EPHA6: variants seen among roughly 807,000 people sequenced by gnomAD.
The protein encoded by EPHA6 is ephrin type-A receptor 6.
EPHA6 carries 50 observed loss-of-function variants against 112.0 expected under a neutral mutation model. The ratio of observed to expected loss-of-function variants is 0.45; its 90% CI spans 0.36 to 0.56. The LOEUF (loss-of-function observed/expected upper bound fraction) is 0.56, where lower values mean the gene tolerates loss of function less well. Among genes scored for constraint, EPHA6 ranks in the 20% least tolerant of loss-of-function variants. The probability of loss-of-function intolerance (pLI) is 0.00; values close to 1 mark genes in which losing one functional copy is unlikely to be tolerated. For missense variants in EPHA6, 1,280 were observed against 1,417.4 expected (o/e 0.90, Z 1.56); for synonymous variants, 529 against 490.7 (o/e 1.08, Z -1.03).
At chr3:97,395,908 T>A (rs1395131378) in intron 5 of EPHA6, among the ~76,000 whole-genome samples, 1 of 151,058 alleles carries the variant, frequency 6.6e-6, no homozygotes, top group Non-Finnish European at 1.5e-5. Flanking sequence ...GGTGGAAGAG[T>A]TAATTCTATT....
At chr3:96,880,056 A>T (rs2037217322) in intron 2 of EPHA6, among the ~76,000 whole-genome samples, 2 of 152,198 alleles carry the variant, frequency 1.3e-5, no homozygotes, top group South Asian at 2.1e-4. Context: ...ACCACTATAC[A>T]GTTCATCCAT....
In EPHA6 at chr3:97,188,338, A is replaced by G. The variant is rs375904089; in HGVS notation, c.1115-37926A>G. Among the ~76,000 whole-genome samples, 16 of 152,174 alleles carry G rather than the reference A, an allele frequency of 1.1e-4. No homozygotes were observed. In the East Asian group the frequency reaches 3.1e-3, roughly 29 times the overall value. On this transcript the variant is annotated intron_variant, in intron 3 of 17. Transcript: ENST00000389672. ...ACTCAAGAATTAATGTAAAAAATAA[A>G]TTTAAAAAATATATTTAAAGTAGAC...
In EPHA6 at chr3:97,069,048, C is replaced by T. The variant is rs753720963; in HGVS notation, c.1114+81055C>T. On this transcript the variant is annotated intron_variant, in intron 3 of 17. Transcript: ENST00000389672. ...CACACACTTATAATTGACCCTTGAA[C>T]GACACTGGGGTTAGAGGTGCTGTTG... 3.9e-4 allele frequency among the ~76,000 whole-genome samples: 59 copies of T among 152,178 alleles called. No homozygotes were observed. The Middle Eastern group carries it at 0.01, about 26-fold the overall frequency.
At chr3:97,618,692 C>G (rs560889875) in intron 13 of EPHA6, among the ~76,000 whole-genome samples, 1 of 152,018 alleles carries the variant, frequency 6.6e-6, no homozygotes, top group Non-Finnish European at 1.5e-5. Flanking sequence ...GACACATGCA[C>G]CCTCCCAAGA....
At chr3:97,689,104 T>C (rs1369986172) in intron 14 of EPHA6, among the ~76,000 whole-genome samples, 1 of 152,226 alleles carries the variant, frequency 6.6e-6, no homozygotes, top group Non-Finnish European at 1.5e-5. Flanking sequence ...TATAAAGATG[T>C]TATAGATATC....
At chr3:97,382,118 G>A (rs1169099307) in intron 5 of EPHA6, among the ~76,000 whole-genome samples, 4 of 152,004 alleles carry the variant, frequency 2.6e-5, no homozygotes, top group African/African-American at 9.7e-5. Flanking sequence ...TATGCATGAT[G>A]AGCATGTTTT....
intron 16 of EPHA6, among the ~76,000 whole-genome samples, chr3:97,736,466 AGAGAGTGTGTGTGT>A (rs1318235499): frequency 6.3e-5 from 7 of 111,918 alleles, no homozygotes; most frequent in Non-Finnish European, 1.3e-4. Flanking sequence ...AGAGAGAGAG[AGAGAGTGTGTGTGT>A]GTGTGTGTGT....
chr3:97,271,833 A>G (rs1029924415), intron 5 of EPHA6, among the ~76,000 whole-genome samples: 27 of 152,190 alleles, frequency 1.8e-4, no homozygotes, highest in African/African-American at 6.0e-4. Flanking sequence ...AAGGTATACA[A>G]TATGATTTTT....
At chr3:97,550,312 A>G (rs2093012224) in intron 11 of EPHA6, among the ~76,000 whole-genome samples, 1 of 152,248 alleles carries the variant, frequency 6.6e-6, no homozygotes, top group South Asian at 2.1e-4. Context: ...CCCTCTTCCA[A>G]GATGCCCTCT....
intron 14 of EPHA6, among the ~76,000 whole-genome samples, chr3:97,712,706 A>G (rs1454708119): frequency 6.6e-6 from 1 of 152,176 alleles, no homozygotes; most frequent in Non-Finnish European, 1.5e-5. Flanking sequence ...GCAATGAATT[A>G]TTTTCAGGAG....
intron 5 of EPHA6, among the ~76,000 whole-genome samples, chr3:97,292,626 G>A (rs1174448910): frequency 6.6e-6 from 1 of 152,208 alleles, no homozygotes; most frequent in African/African-American, 2.4e-5. Flanking sequence ...AGCTCACAAC[G>A]GAGAGGAGAC....
At chr3:97,157,483 A>G (rs1171420456) in intron 3 of EPHA6, among the ~76,000 whole-genome samples, 2 of 152,144 alleles carry the variant, frequency 1.3e-5, no homozygotes, top group East Asian at 3.9e-4. Context: ...TAAATTTCCT[A>G]AGTCCATGTT....
chr3:97,261,400 C>T (rs1559835422), intron 5 of EPHA6, among the ~76,000 whole-genome samples: 1 of 152,112 alleles, frequency 6.6e-6, no homozygotes, highest in Non-Finnish European at 1.5e-5. Context: ...TCAACTCTTC[C>T]CATGGCTAAT....
At chr3:97,148,626 A>G (rs1410317390) in intron 3 of EPHA6, among the ~76,000 whole-genome samples, 1 of 152,082 alleles carries the variant, frequency 6.6e-6, no homozygotes, top group African/African-American at 2.4e-5. Context: ...TTAATTCTCT[A>G]TTTTATATTA....
At chr3:96,818,182 A>G (rs1454134744) in intron 1 of EPHA6, among the ~76,000 whole-genome samples, 2 of 151,978 alleles carry the variant, frequency 1.3e-5, no homozygotes, top group Non-Finnish European at 2.9e-5. Context: ...ACTTATATGA[A>G]TATAAAACAC....
At chr3:97,545,221 A>T (rs941779765) in intron 11 of EPHA6, among the ~76,000 whole-genome samples, 1 of 151,760 alleles carries the variant, frequency 6.6e-6, no homozygotes, top group Non-Finnish European at 1.5e-5. Flanking sequence ...AATTTCCCTC[A>T]ACACACTGCT....
chr3:97,617,024 G>T (rs2093772229), intron 13 of EPHA6, among the ~76,000 whole-genome samples: 1 of 152,108 alleles, frequency 6.6e-6, no homozygotes, highest in Non-Finnish European at 1.5e-5. Flanking sequence ...GTTAATGGCA[G>T]TCAGAGAGAA....
At chr3:96,936,655 A>C (rs1474546444) in intron 2 of EPHA6, among the ~76,000 whole-genome samples, 1 of 151,952 alleles carries the variant, frequency 6.6e-6, no homozygotes, top group Non-Finnish European at 1.5e-5. Context: ...CATGTGCACA[A>C]TGTGCAGGTT....
At chr3:96,951,602 A>G (rs1352049478) in intron 2 of EPHA6, among the ~76,000 whole-genome samples, 1 of 152,106 alleles carries the variant, frequency 6.6e-6, no homozygotes, top group Non-Finnish European at 1.5e-5. Context: ...ATATGTCATA[A>G]CATCTTCATA....
Sources: gnomAD v4.1 joint callset for allele counts (sites outside exome capture counted in the v4.1 genomes callset) on GRCh38, gnomAD v4.1.1 for gene constraint, MANE v1.5 for transcripts, NCBI Gene and HGNC (gene_info 2026-07-23, HGNC 2026-07-21) for gene names.